Variants in PTPRD observed in about 807,000 individuals in gnomAD.
PTPRD encodes protein tyrosine phosphatase receptor type D, also known as receptor-type tyrosine-protein phosphatase delta.
In PTPRD, 34 loss-of-function variants were observed where a neutral mutation model predicts 214.5. The ratio of observed to expected loss-of-function variants is 0.16; its 90% CI spans 0.12 to 0.21. The LOEUF is 0.21. Ranked by LOEUF, PTPRD falls within the 10% of genes least tolerant of loss-of-function variation. PTPRD has a pLI of 1.00. For missense variants in PTPRD, 2,545 were observed against 2,398.7 expected (o/e 1.06, Z -1.27); for synonymous variants, 1,128 against 845.7 (o/e 1.33, Z -5.79).
chr9:10,443,720 C>T (rs138171251), intron 2 of PTPRD, among the ~76,000 whole-genome samples: 16 of 151,276 alleles, frequency 1.1e-4, no homozygotes, highest in African/African-American at 3.6e-4. Flanking sequence ...AGGAATTCTC[C>T]TCAGTATTAG....
intron 2 of PTPRD, among the ~76,000 whole-genome samples, chr9:10,365,482 TTTTA>T (rs779784693): frequency 6.6e-6 from 1 of 152,212 alleles, no homozygotes; most frequent in African/African-American, 2.4e-5. Flanking sequence ...GCTTGACAGT[TTTTA>T]TTTATTCTTC....
intron 2 of PTPRD, among the ~76,000 whole-genome samples, chr9:10,485,786 T>C (rs1297499885): frequency 6.6e-6 from 1 of 152,142 alleles, no homozygotes; most frequent in African/African-American, 2.4e-5. Context: ...TCCAAATACA[T>C]GATCATATCG....
At chr9:8,516,940 T>C (rs964209992) in intron 21 of PTPRD, among the ~76,000 whole-genome samples, 2 of 151,422 alleles carry the variant, frequency 1.3e-5, no homozygotes, top group Non-Finnish European at 2.9e-5. Flanking sequence ...GCCTCCTGAG[T>C]AGCAGGAATT....
At chr9:10,278,048 T>A (rs2154387921) in intron 3 of PTPRD, among the ~76,000 whole-genome samples, 1 of 152,020 alleles carries the variant, frequency 6.6e-6, no homozygotes, top group South Asian at 2.1e-4. Flanking sequence ...TAGTCCCAGC[T>A]ACTCGGGAGG....
intron 3 of PTPRD, among the ~76,000 whole-genome samples, chr9:10,104,868 G>C (rs1473564662): frequency 6.6e-6 from 1 of 151,844 alleles, no homozygotes; most frequent in East Asian, 1.9e-4. Flanking sequence ...TCCTGCCTTA[G>C]TCTCCTGTCG....
intron 7 of PTPRD, among the ~76,000 whole-genome samples, chr9:9,664,324 T>C (rs1486066245): frequency 6.6e-6 from 1 of 151,590 alleles, no homozygotes; most frequent in Non-Finnish European, 1.5e-5. Context: ...AAGAAAGCTT[T>C]TCTAACGCAT....
At chr9:10,165,977 A>G (rs1005326502) in intron 3 of PTPRD, among the ~76,000 whole-genome samples, 1 of 150,340 alleles carries the variant, frequency 6.7e-6, no homozygotes, top group Non-Finnish European at 1.5e-5. Context: ...ATGTAAACAT[A>G]TAAAGCTATA....
chr9:8,422,223 A>C (rs867058473), intron 35 of PTPRD, among the ~76,000 whole-genome samples: 21 of 151,940 alleles, frequency 1.4e-4, no homozygotes, highest in African/African-American at 4.6e-4. Flanking sequence ...ATGATGAAGA[A>C]AAACATATAA....
intron 14 of PTPRD, among the ~76,000 whole-genome samples, chr9:8,540,176 T>C (rs981835646): frequency 4.6e-5 from 7 of 152,144 alleles, no homozygotes; most frequent in Non-Finnish European, 1.0e-4. Context: ...AAGTAAACTG[T>C]TATAATTAAT....
intron 9 of PTPRD, among the ~76,000 whole-genome samples, chr9:9,332,075 A>T (rs1016964744): frequency 6.6e-6 from 1 of 152,076 alleles, no homozygotes; most frequent in African/African-American, 2.4e-5. Context: ...TCACATGTAG[A>T]GGTGAGGAGG....
At chr9:9,571,554 A>G (rs2086413379) in intron 8 of PTPRD, among the ~76,000 whole-genome samples, 1 of 151,302 alleles carries the variant, frequency 6.6e-6, no homozygotes, top group African/African-American at 2.4e-5. Context: ...TAGAACATTC[A>G]TATTGCATAC....
At chr9:8,633,496 C>T (rs1487718469) in intron 13 of PTPRD, 38 bp from the exon 14 acceptor site, 1 of 1,603,856 alleles carries the variant, frequency 6.2e-7, no homozygotes, top group Admixed American at 1.7e-5. Context: ...GGTGTTGTTA[C>T]AATTGTCTAC....
At chr9:9,128,719 G>C (rs542842881) in intron 10 of PTPRD, among the ~76,000 whole-genome samples, 5 of 152,360 alleles carry the variant, frequency 3.3e-5, no homozygotes, top group Admixed American at 2.6e-4. Context: ...AGTATGATTA[G>C]ATAAAAGTGG....
At chr9:9,651,227 A>G (rs925508140) in intron 7 of PTPRD, among the ~76,000 whole-genome samples, 1 of 152,172 alleles carries the variant, frequency 6.6e-6, no homozygotes, top group Admixed American at 6.5e-5. Flanking sequence ...CCTTATTTAT[A>G]ACACCAATAA....
chr9:9,097,645 C>G (rs1321595501), intron 10 of PTPRD, among the ~76,000 whole-genome samples: 1 of 151,852 alleles, frequency 6.6e-6, no homozygotes, highest in Non-Finnish European at 1.5e-5. Context: ...CTCTTGACCT[C>G]GTGATCTGCC....
At chr9:9,022,382 A>G (rs2099572940) in intron 10 of PTPRD, among the ~76,000 whole-genome samples, 1 of 152,064 alleles carries the variant, frequency 6.6e-6, no homozygotes, top group Non-Finnish European at 1.5e-5. Flanking sequence ...TGTCCTATGC[A>G]GGTGTACTAT....
chr9:9,342,871 C>A (rs1427647475), intron 9 of PTPRD, among the ~76,000 whole-genome samples: 3 of 152,110 alleles, frequency 2.0e-5, no homozygotes, highest in Non-Finnish European at 4.4e-5. Flanking sequence ...GCCCCCTACC[C>A]CGCCAACAGG....
At chr9:9,397,678 A>T (rs1023696609) in intron 8 of PTPRD, among the ~76,000 whole-genome samples, 196 bp from the exon 9 acceptor site, 23 of 152,016 alleles carry the variant, frequency 1.5e-4, no homozygotes, top group African/African-American at 2.4e-5. Context: ...GGAGTAAAAA[A>T]GATATTAGTT....
chr9:9,606,965 T>TAAAAAAAAAAA lies in PTPRD; in HGVS notation c.-286-32195_-286-32185dup, dbSNP rs754610072. On this transcript the variant is annotated intron_variant, in intron 7 of 45. Transcript: ENST00000381196. ...GCAGTATCTGATTACTCAGCACTGC[T>TAAAAAAAAAAA]AAAAAAAAAAAAAAAAAAAAAAAAA... Among the ~76,000 whole-genome samples the TAAAAAAAAAAA allele has an allele frequency of 2.9e-4, 8 of 27,488 alleles. 1 individual carries two copies. The highest frequency in any genetic ancestry group is 8.6e-4 in the Admixed American group (1 of 1,162). The allele number at this position is 27,488 out of a possible 152,430, so 18.0% of individuals were successfully genotyped here. A position where few individuals can be genotyped will look rare whatever the true frequency, so the allele number is the denominator to read the frequency against.
Sources: gnomAD v4.1 joint callset for allele counts (sites outside exome capture counted in the v4.1 genomes callset) on GRCh38, gnomAD v4.1.1 for gene constraint, MANE v1.5 for transcripts, NCBI Gene and HGNC (gene_info 2026-07-23, HGNC 2026-07-21) for gene names.